The following SCAMP4 variants were observed in gnomAD, a reference collection of about 807,000 sequenced individuals.
SCAMP4 encodes secretory carrier-associated membrane protein 4.
A neutral mutation model predicts 32.1 loss-of-function variants in SCAMP4; 19 were observed. That is an observed-to-expected ratio of 0.59 (90% confidence interval 0.41 to 0.87). The LOEUF (loss-of-function observed/expected upper bound fraction) is 0.87, where lower values mean the gene tolerates loss of function less well. Among genes scored for constraint, SCAMP4 ranks in the 40% least tolerant of loss-of-function variants. The pLI is 0.00. For missense variants in SCAMP4, 302 were observed against 309.0 expected, an observed-to-expected ratio of 0.98 and a Z score of 0.17; for synonymous variants, 152 against 132.7, an observed-to-expected ratio of 1.15 and a Z score of -1.00.
rs1408676531 is a variant in SCAMP4 at position 1,908,851 on chromosome 19, C to G, written c.-42+3412C>G. On this transcript the variant is annotated intron_variant, in intron 1 of 6. Coordinates refer to ENST00000316097, the MANE Select transcript of SCAMP4 (RefSeq NM_079834.4). This position sits in a 1 kb window ranked among gnomAD's most constrained non-coding sequence, Gnocchi z 4.2. The stretch of plus-strand genomic sequence containing the variant: ...GGGCACGGTGGCTCACACCTGTAAT[C>G]CCAGCACTTTGGGAGGCTGAGGCAG... 1.3e-5 allele frequency among the ~76,000 whole-genome samples: 2 copies of G among 151,958 alleles called. No individual in the cohort carries two copies. Among genetic ancestry groups the G allele is most frequent in the Non-Finnish European group, 2.9e-5 (2 of 67,996 alleles).
chr19:1,905,531 G>A, intron 1 of SCAMP4, 92 bp downstream of exon 1: 1 of 349,748 alleles, frequency 2.9e-6, no homozygotes, highest in South Asian at 1.9e-5. Flanking sequence ...CGGCGGTGAG[G>A]GGCGCCGGCC....
intron 5 of SCAMP4, chr19:1,920,775 C>T (rs2013894016): frequency 2.0e-6 from 2 of 985,528 alleles, no homozygotes; most frequent in Non-Finnish European, 2.4e-6. Flanking sequence ...CTCCCCGGTG[C>T]GTCCCCAGCT....
Position 1,912,771 on chromosome 19 carries a change from A to G in SCAMP4, c.-41-2208A>G, listed in dbSNP as rs116296830. The G allele has an allele frequency of 1.4e-3, 2,129 of 1,565,378 alleles. 27 individuals carry two copies. In the African/African-American group the frequency reaches 0.025, roughly 18 times the overall value. On this transcript the variant is annotated intron_variant, in intron 1 of 6. Transcript: ENST00000316097. ...GGACAACCCCCTCCTGCACGCCGTC[A>G]TGGTGTGCGTGGACCTCGTGGCGCG...
At chr19:1,922,224 C>T (rs1025061271) in intron 5 of SCAMP4, 1 of 985,474 alleles carries the variant, frequency 1.0e-6, no homozygotes, top group East Asian at 1.1e-4. Flanking sequence ...CTGGCCTTCC[C>T]AGTGTCCCAC....
chr19:1,916,205 T>C (rs1398198554), intron 2 of SCAMP4, among the ~76,000 whole-genome samples: 1 of 149,788 alleles, frequency 6.7e-6, no homozygotes, highest in African/African-American at 2.5e-5. Flanking sequence ...GCCACTGCAC[T>C]CCAGCCTGGG....
At chr19:1,907,771 C>T (rs1333677842) in intron 1 of SCAMP4, among the ~76,000 whole-genome samples, 2 of 152,094 alleles carry the variant, frequency 1.3e-5, no homozygotes, top group Non-Finnish European at 1.5e-5. Flanking sequence ...GGTCGCCTGC[C>T]TTCTGGGTGG....
intron 1 of SCAMP4, chr19:1,912,870 GCCGT>G: frequency 6.2e-7 from 1 of 1,601,030 alleles, no homozygotes. Flanking sequence ...TGCCCCCCAG[GCCGT>G]CCGCGCAGGC....
chr19:1,913,239 G>T (rs372537473), intron 1 of SCAMP4: 13 of 1,442,874 alleles, frequency 9.0e-6, no homozygotes, highest in Non-Finnish European at 1.2e-5. Flanking sequence ...TTCCGCACAA[G>T]CCTGACCGTG....
At chr19:1,920,157 A>G in intron 5 of SCAMP4, 4 of 985,382 alleles carry the variant, frequency 4.1e-6, no homozygotes, top group Non-Finnish European at 4.8e-6. Flanking sequence ...AATAATTTGT[A>G]ATTCTCAGTT....
intron 4 of SCAMP4, 66 bp downstream of exon 4, chr19:1,918,349 C>A: frequency 6.9e-7 from 1 of 1,453,488 alleles, no homozygotes; most frequent in Non-Finnish European, 9.1e-7. Context: ...CACCCCAGTC[C>A]CAGCCCAGCT....
chr19:1,914,743 G>A (rs1360114438), intron 1 of SCAMP4, among the ~76,000 whole-genome samples: 2 of 152,226 alleles, frequency 1.3e-5, no homozygotes, highest in Admixed American at 6.5e-5. Context: ...TGGGTGGGAG[G>A]GGCTGCGGCC....
intron 1 of SCAMP4, among the ~76,000 whole-genome samples, chr19:1,909,741 C>T (rs1809451003): frequency 6.6e-6 from 1 of 152,206 alleles, no homozygotes; most frequent in South Asian, 2.1e-4. Flanking sequence ...CTTCCCGCAG[C>T]CCCACTCCAG....
At chr19:1,905,614 G>A (rs1468052745) in intron 1 of SCAMP4, 175 bp downstream of exon 1, 1 of 164,828 alleles carries the variant, frequency 6.1e-6, no homozygotes, top group Admixed American at 6.6e-5. Context: ...GCGACGCGGG[G>A]AGGCGGCGCG....
rs367947442 is a variant in SCAMP4 at position 1,908,233 on chromosome 19, G to A, written c.-42+2794G>A. ...GCCTCGGGCAGCGGCAGCACCTGGC[G>A]CTGCCTCCGCGCTTCCTGCTCCCGG... On this transcript the variant is annotated intron_variant, in intron 1 of 6. Transcript: ENST00000316097. This position sits in a 1 kb window ranked among gnomAD's most constrained non-coding sequence, Gnocchi z 4.2. 6.1e-5 allele frequency: 17 copies of A among 279,066 alleles called. No homozygotes were observed. The highest frequency in any genetic ancestry group is 3.3e-4 in the African/African-American group (14 of 42,970). The allele number at this position is 279,066 out of a possible 1,614,324, so 17.3% of individuals were successfully genotyped here.
chr19:1,914,886 A>C lies in SCAMP4; in HGVS notation c.-41-93A>C, dbSNP rs1182892408. 6 of 1,027,452 alleles carry C rather than the reference A, an allele frequency of 5.8e-6. No individual in the cohort carries two copies. In the East Asian group the frequency reaches 1.4e-4, roughly 25 times the overall value. The allele number at this position is 1,027,452 out of a possible 1,614,324, so 63.6% of individuals were successfully genotyped here. ...CACTGCTGTTTCCAGAGCACAGGGC[A>C]CGATGAAGGGCTTTTCAGCCACGGT... is the stretch of plus-strand genomic sequence containing the variant. On this transcript the variant is annotated intron_variant, in intron 1 of 6. Coordinates refer to ENST00000316097, the MANE Select transcript of SCAMP4 (RefSeq NM_079834.4).
chr19:1,914,039 G>A (rs1213035074), intron 1 of SCAMP4, among the ~76,000 whole-genome samples: 1 of 152,202 alleles, frequency 6.6e-6, no homozygotes, highest in Non-Finnish European at 1.5e-5. Flanking sequence ...GAGGTGGGCT[G>A]GAGGGTCCCG....
intron 1 of SCAMP4, chr19:1,912,848 C>G: frequency 6.3e-7 from 1 of 1,595,736 alleles, no homozygotes; most frequent in Non-Finnish European, 8.5e-7. Flanking sequence ...CCTGCTCCTT[C>G]GCCCCGGCCG....
At chr19:1,923,301 C>A in intron 6 of SCAMP4, 114 bp downstream of exon 6, 1 of 855,498 alleles carries the variant, frequency 1.2e-6, no homozygotes, top group Non-Finnish European at 1.8e-6. Context: ...CACGGTGTCA[C>A]GCAGGCCGCA....
At chr19:1,912,160 A>G in intron 1 of SCAMP4, 1 of 1,570,784 alleles carries the variant, frequency 6.4e-7, no homozygotes, top group South Asian at 1.2e-5. Context: ...CCGGAGCCTG[A>G]GCCGGCGCCG....
Sources: gnomAD v4.1 joint callset for allele counts (sites outside exome capture counted in the v4.1 genomes callset) on GRCh38, gnomAD v4.1.1 for gene constraint, Gnocchi (gnomAD v3.1) non-coding constraint, MANE v1.5 for transcripts, NCBI Gene and HGNC (gene_info 2026-07-23, HGNC 2026-07-21) for gene names.